Variants in ST18 observed in about 807,000 individuals in gnomAD.
The protein encoded by ST18 is suppression of tumorigenicity 18 protein.
ST18 carries 50 observed loss-of-function variants against 110.0 expected under a neutral mutation model. The observed-to-expected ratio is 0.45, with a 90% CI of 0.36 to 0.58. The LOEUF is 0.58. Among genes scored for constraint, ST18 ranks in the 20% least tolerant of loss-of-function variants. The pLI is 0.00. For missense variants in ST18, 1,306 were observed against 1,280.1 expected, an observed-to-expected ratio of 1.02 and a Z score of -0.31; for synonymous variants, 461 against 452.4, an observed-to-expected ratio of 1.02 and a Z score of -0.24.
intron 2 of ST18, among the ~76,000 whole-genome samples, chr8:52,239,107 A>C (rs1284484858): frequency 6.6e-6 from 1 of 152,216 alleles, no homozygotes; most frequent in Non-Finnish European, 1.5e-5. Flanking sequence ...CATATTATGT[A>C]ACTCTATTTA....
At chr8:52,197,070 A>T (rs1564000015) in intron 8 of ST18, among the ~76,000 whole-genome samples, 1 of 152,252 alleles carries the variant, frequency 6.6e-6, no homozygotes, top group Non-Finnish European at 1.5e-5. Context: ...CAGAACCAAA[A>T]GCCAGGTCCT....
intron 17 of ST18, among the ~76,000 whole-genome samples, chr8:52,139,123 T>C (rs990196214): frequency 2.6e-5 from 4 of 152,120 alleles, no homozygotes; most frequent in African/African-American, 9.7e-5. Context: ...GCTATAAATA[T>C]ATGTTAAAAA....
rs141563583 is a variant in ST18 at position 52,180,277 on chromosome 8, G to C, written c.122C>G (p.Thr41Arg). 1 of 1,614,170 alleles carries C rather than the reference G, an allele frequency of 6.2e-7. No individual in the cohort carries two copies. The highest frequency in any genetic ancestry group is 1.6e-4 in the Middle Eastern group (1 of 6,062). ...AACCCCCAAAGCCTGATCTTCAGCT[G>C]TTCTCTTCTTTGCCATGGAGCAATC... ...AYDCSMAKKRTAEDQALGVPV... is the reference protein window; with the variant it reads ...AYDCSMAKKRRAEDQALGVPV... Residue 41 changes from threonine (T) to arginine (R), a missense_variant, in exon 9 of 26, where the codon ACA (threonine) becomes AGA (arginine). Physicochemically the swap from Thr to Arg is moderately conservative, Grantham distance 71 (BLOSUM62 -1). Coordinates refer to ENST00000689386, the MANE Select transcript of ST18 (RefSeq NM_001352837.2).
intron 2 of ST18, among the ~76,000 whole-genome samples, chr8:52,395,205 G>A (rs1354825045): frequency 6.6e-6 from 1 of 152,204 alleles, no homozygotes; most frequent in East Asian, 1.9e-4. Flanking sequence ...TCTACTGTGG[G>A]CCAAGTACTA....
In ST18 at chr8:52,344,472, C is replaced by T. The variant is rs569227024; in HGVS notation, c.-465+64856G>A. Among the ~76,000 whole-genome samples, 5 of 151,930 alleles carry T rather than the reference C, an allele frequency of 3.3e-5. No individual in the cohort carries two copies. In the South Asian group the frequency reaches 1.0e-3, roughly 32 times the overall value. On this transcript the variant is annotated intron_variant, in intron 2 of 25. Transcript: ENST00000689386. Reference sequence around the variant, plus strand: ...CTAGAGTGCAATGGCAGGATCTCGGCTCACTGCAACCTCCACCTCCCGGGT... The same window carrying T: ...CTAGAGTGCAATGGCAGGATCTCGGTTCACTGCAACCTCCACCTCCCGGGT...
At chr8:52,129,881 C>G (rs1390429366) in intron 22 of ST18, among the ~76,000 whole-genome samples, 2 of 151,910 alleles carry the variant, frequency 1.3e-5, no homozygotes, top group Non-Finnish European at 2.9e-5. Flanking sequence ...CCTGTCTCTA[C>G]TAAAAATACA....
chr8:52,132,918 A>G, intron 21 of ST18, 139 bp downstream of exon 21: 1 of 934,270 alleles, frequency 1.1e-6, no homozygotes. Flanking sequence ...AAACCACCAA[A>G]TAGTTTGACT....
intron 2 of ST18, among the ~76,000 whole-genome samples, chr8:52,236,126 T>C (rs1432309001): frequency 6.6e-6 from 1 of 152,148 alleles, no homozygotes; most frequent in African/African-American, 2.4e-5. Context: ...AGGCAACAGG[T>C]AAGCATGAAT....
At chr8:52,402,165 G>T (rs1231644412) in intron 2 of ST18, among the ~76,000 whole-genome samples, 1 of 152,116 alleles carries the variant, frequency 6.6e-6, no homozygotes, top group Non-Finnish European at 1.5e-5. Flanking sequence ...GGCATTAGGG[G>T]TTCTCCTGTT....
intron 2 of ST18, among the ~76,000 whole-genome samples, chr8:52,288,981 C>A (rs773151424): frequency 6.6e-6 from 1 of 152,096 alleles, no homozygotes; most frequent in Admixed American, 6.5e-5. Context: ...GGTCCTGGAA[C>A]CTTTCTCCAT....
intron 9 of ST18, among the ~76,000 whole-genome samples, chr8:52,177,492 C>A (rs1219841815): frequency 6.6e-6 from 1 of 152,056 alleles, no homozygotes; most frequent in East Asian, 1.9e-4. Context: ...GATGAAAAGC[C>A]CTATGCTGAC....
At chr8:52,380,419 T>G (rs1257072179) in intron 2 of ST18, among the ~76,000 whole-genome samples, 1 of 152,126 alleles carries the variant, frequency 6.6e-6, no homozygotes, top group Non-Finnish European at 1.5e-5. Flanking sequence ...CTATCAGTAG[T>G]TAAGTTTGGG....
intron 2 of ST18, among the ~76,000 whole-genome samples, chr8:52,250,345 C>T (rs1462806910): frequency 1.4e-5 from 2 of 145,578 alleles, no homozygotes; most frequent in Non-Finnish European, 3.0e-5. Context: ...CTATTTATTC[C>T]TTATCTCTGT....
At chr8:52,249,146 C>T (rs2138161851) in intron 2 of ST18, among the ~76,000 whole-genome samples, 1 of 152,262 alleles carries the variant, frequency 6.6e-6, no homozygotes, top group Admixed American at 6.5e-5. Context: ...GGGGTTTACT[C>T]ACTTTTTAAA....
chr8:52,276,008 C>T (rs987158053), intron 2 of ST18, among the ~76,000 whole-genome samples: 4 of 149,132 alleles, frequency 2.7e-5, no homozygotes, highest in African/African-American at 4.9e-5. Context: ...ACAGACCATA[C>T]GTACCACATA....
chr8:52,184,107 C>T (rs1172842040), intron 8 of ST18, among the ~76,000 whole-genome samples: 2 of 152,142 alleles, frequency 1.3e-5, no homozygotes, highest in South Asian at 4.1e-4. Context: ...GAGAGAAATG[C>T]CACAAAATGC....
At chr8:52,224,524 A>C (rs1564166302) in intron 3 of ST18, among the ~76,000 whole-genome samples, 1 of 152,232 alleles carries the variant, frequency 6.6e-6, no homozygotes, top group Non-Finnish European at 1.5e-5. Context: ...TTCATTGGCT[A>C]TAAACTTCAC....
intron 2 of ST18, among the ~76,000 whole-genome samples, chr8:52,245,665 T>A (rs1466778414): frequency 6.6e-6 from 1 of 152,100 alleles, no homozygotes; most frequent in Non-Finnish European, 1.5e-5. Context: ...TAGAATAGTA[T>A]CAATTAATAT....
At chr8:52,143,992 T>A (rs1158528286) in intron 16 of ST18, among the ~76,000 whole-genome samples, 2 of 152,226 alleles carry the variant, frequency 1.3e-5, no homozygotes, top group Non-Finnish European at 2.9e-5. Context: ...AATGGGTATC[T>A]TGTAGCACTT....
Sources: allele counts gnomAD v4.1 joint callset (sites outside exome capture counted in the v4.1 genomes callset), GRCh38; gene constraint gnomAD v4.1.1; transcripts MANE v1.5; gene names NCBI Gene and HGNC (gene_info 2026-07-23, HGNC 2026-07-21).